Variants in EXTL3 observed in about 807,000 individuals in gnomAD.
EXTL3 encodes the protein exostosin-like 3.
In EXTL3, 27 loss-of-function variants were observed where a neutral mutation model predicts 69.3. The ratio of observed to expected loss-of-function variants is 0.39; its 90% confidence interval spans 0.29 to 0.54. EXTL3 has a LOEUF of 0.54. Among genes scored for constraint, EXTL3 ranks in the 20% least tolerant of loss-of-function variants. The pLI is 0.69. For synonymous variants in EXTL3, 511 were observed against 499.4 expected (o/e 1.02, Z -0.31); for missense variants, 1,003 against 1,231.8 (o/e 0.81, Z 2.78).
At chr8:28,713,334 A>C in intron 1 of EXTL3, 123 bp from the exon 2 acceptor site, 2 of 585,352 alleles carry the variant, frequency 3.4e-6, no homozygotes, top group South Asian at 4.4e-5. Context: ...CCTCATGTAC[A>C]TAAGAGAAAT....
intron 1 of EXTL3, among the ~76,000 whole-genome samples, chr8:28,712,562 A>G (rs2130726974): frequency 6.6e-6 from 1 of 152,328 alleles, no homozygotes; most frequent in African/African-American, 2.4e-5. Flanking sequence ...AGTGACATTT[A>G]TTTCTAGAGG....
At position 28,751,935 on chromosome 8, in the gene EXTL3, AC is replaced by A. The variant is rs1245282833; in HGVS notation, c.*1072del. On this transcript the variant is annotated 3_prime_UTR_variant, in exon 7 of 7. Coordinates refer to ENST00000220562, the MANE Select transcript of EXTL3 (RefSeq NM_001440.4). The stretch of plus-strand genomic sequence containing the variant: ...CAAGCCAGTGTCCTTCGAGGAACCC[AC>A]CCGGCTGGCCGGGAAGTTTTACAGC... 6.6e-6 allele frequency: 1 copy of A among 152,316 alleles called. No homozygotes were observed. Among genetic ancestry groups the A allele is most frequent in the Non-Finnish European group, 1.5e-5 (1 of 68,170 alleles). The allele number at this position is 152,316 out of a possible 1,614,324, so 9.4% of individuals were successfully genotyped here.
chr8:28,748,624 CAT>C (rs1446620251), intron 6 of EXTL3, among the ~76,000 whole-genome samples: 2 of 152,158 alleles, frequency 1.3e-5, no homozygotes, highest in Non-Finnish European at 2.9e-5. Context: ...TTTTATCACT[CAT>C]GTGAAGGAGT....
chr8:28,746,790 C>T (rs1358637959), intron 6 of EXTL3, among the ~76,000 whole-genome samples: 4 of 152,126 alleles, frequency 2.6e-5, no homozygotes, highest in African/African-American at 4.8e-5. Flanking sequence ...ATTTTCCTGC[C>T]TCAGTCTTCT....
At chr8:28,728,638 T>A (rs1307218308) in intron 3 of EXTL3, among the ~76,000 whole-genome samples, 1 of 152,138 alleles carries the variant, frequency 6.6e-6, no homozygotes, top group African/African-American at 2.4e-5. Flanking sequence ...TCCTGTCACT[T>A]TTTTTGGAAG....
chr8:28,660,434 C>T (rs1281335467), intron 1 of EXTL3, among the ~76,000 whole-genome samples: 4 of 151,812 alleles, frequency 2.6e-5, no homozygotes, highest in Admixed American at 2.6e-4. Context: ...CTCATACAAA[C>T]ATACACATAC....
At position 28,717,213 on chromosome 8, in the gene EXTL3, C is replaced by T. The variant is rs201602008; in HGVS notation, c.1154C>T (p.Ala385Val). The change falls in exon 3 of 7, where the codon GCG (alanine) becomes GTG (valine). Residue 385 changes from alanine (A) to valine (V), a missense_variant. Around this residue, in one of 2 missense-constraint regions of EXTL3, gnomAD observed 742 missense variants for 815.4 expected, o/e 0.91. Coordinates refer to ENST00000220562, the MANE Select transcript of EXTL3 (RefSeq NM_001440.4). This position sits in a 1 kb window ranked among gnomAD's most constrained non-coding sequence, Gnocchi z 8.3. ...YDDRIIATLKAVQDSKLDQVL... is the reference protein window; with the variant it reads ...YDDRIIATLKVVQDSKLDQVL... ...GACCGGATCATTGCCACCCTGAAGGCGGTGCAGGACAGCAAGCTGGATCAG... is the reference window on the plus strand; with the variant it reads ...GACCGGATCATTGCCACCCTGAAGGTGGTGCAGGACAGCAAGCTGGATCAG... 8.1e-5 allele frequency: 130 copies of T among 1,614,088 alleles called. No individual in the cohort carries two copies. Among genetic ancestry groups the T allele is most frequent in the Non-Finnish European group, 1.0e-4 (122 of 1,180,046 alleles).
At chr8:28,735,717 A>G (rs1585290723) in intron 4 of EXTL3, among the ~76,000 whole-genome samples, 1 of 152,226 alleles carries the variant, frequency 6.6e-6, no homozygotes, top group Admixed American at 6.5e-5. Flanking sequence ...GGTAAGTCTA[A>G]GAATTCTTTC....
At chr8:28,694,890 G>A (rs779626817) in intron 1 of EXTL3, among the ~76,000 whole-genome samples, 1 of 152,028 alleles carries the variant, frequency 6.6e-6, no homozygotes, top group South Asian at 2.1e-4. Context: ...GCACATGCCT[G>A]TAATCCAGCT....
At chr8:28,719,928 C>T (rs1585277339) in intron 3 of EXTL3, among the ~76,000 whole-genome samples, 1 of 152,164 alleles carries the variant, frequency 6.6e-6, no homozygotes, top group East Asian at 1.9e-4. Context: ...AATAAGTAGT[C>T]CTGACTATTG....
intron 1 of EXTL3, chr8:28,710,580 T>C (rs1489019909): frequency 7.5e-6 from 3 of 401,864 alleles, no homozygotes; most frequent in Non-Finnish European, 1.4e-5. Flanking sequence ...TCTATATTCA[T>C]GAGAGATTTT....
chr8:28,638,808 T>C (rs1236173157), intron 1 of EXTL3, among the ~76,000 whole-genome samples: 1 of 152,138 alleles, frequency 6.6e-6, no homozygotes, highest in Non-Finnish European at 1.5e-5. Context: ...ATTTTGTATT[T>C]TTAGTACAGA....
Position 28,717,021 on chromosome 8 carries a change from A to G in EXTL3, c.962A>G (p.His321Arg), listed in dbSNP as rs1170949958. Residue 321 changes from histidine (H) to arginine (R), a missense_variant, in exon 3 of 7, where the codon CAT (histidine) becomes CGT (arginine). By Grantham distance (29) the His-to-Arg change is conservative. Coordinates refer to ENST00000220562, the MANE Select transcript of EXTL3 (RefSeq NM_001440.4). The surrounding 1 kb of genome is among the most constrained non-coding windows in gnomAD (Gnocchi z 8.3). Reference sequence around the variant, plus strand: ...GACTTGGTCGTATCACCGCTGGTCCATGCCATGTCTGAGCCCAACTTCATG... The same window carrying G: ...GACTTGGTCGTATCACCGCTGGTCCGTGCCATGTCTGAGCCCAACTTCATG... ...GFDLVVSPLVHAMSEPNFMEI... is the reference protein window; with the variant it reads ...GFDLVVSPLVRAMSEPNFMEI... 1 of 1,614,098 alleles carries G rather than the reference A, an allele frequency of 6.2e-7. No homozygotes were observed. Among genetic ancestry groups the G allele is most frequent in the African/African-American group, 1.3e-5 (1 of 74,926 alleles).
intron 1 of EXTL3, among the ~76,000 whole-genome samples, chr8:28,689,272 C>T (rs1397345340): frequency 6.6e-6 from 1 of 152,182 alleles, no homozygotes; most frequent in East Asian, 1.9e-4. Flanking sequence ...ACACAAATAA[C>T]TTAAAATTCC....
At chr8:28,617,462 A>G (rs1393591146) in intron 2 of EXTL3, among the ~76,000 whole-genome samples, 1 of 152,218 alleles carries the variant, frequency 6.6e-6, no homozygotes, top group Non-Finnish European at 1.5e-5. Context: ...AGTACCATAT[A>G]TATGTACTAT....
chr8:28,723,569 G>C (rs929148922), intron 3 of EXTL3, among the ~76,000 whole-genome samples: 5 of 151,298 alleles, frequency 3.3e-5, no homozygotes, highest in African/African-American at 1.2e-4. Flanking sequence ...AGGAATCTGA[G>C]ACTGTAAGAA....
At chr8:28,615,584 T>A (rs778429158) in intron 2 of EXTL3, among the ~76,000 whole-genome samples, 2 of 152,194 alleles carry the variant, frequency 1.3e-5, no homozygotes, top group Non-Finnish European at 2.9e-5. Flanking sequence ...TTTTCTTTTT[T>A]TGAGATGGAG....
intron 1 of EXTL3, among the ~76,000 whole-genome samples, chr8:28,671,670 G>A (rs1807296931): frequency 1.3e-5 from 2 of 152,132 alleles, no homozygotes; most frequent in African/African-American, 2.4e-5. Flanking sequence ...ACCTGTAAAT[G>A]TTGGCTGCCC....
intron 1 of EXTL3, among the ~76,000 whole-genome samples, chr8:28,639,595 T>C (rs923705927): frequency 6.6e-6 from 1 of 151,714 alleles, no homozygotes; most frequent in Admixed American, 6.6e-5. Flanking sequence ...CTTCCCCTCT[T>C]GGTCCCTGCG....
Sources: gnomAD v4.1 joint callset for allele counts (sites outside exome capture counted in the v4.1 genomes callset) on GRCh38, gnomAD v4.1.1 for gene constraint, gnomAD v4.1.1 regional missense constraint, Gnocchi (gnomAD v3.1) non-coding constraint, MANE v1.5 for transcripts, NCBI Gene and HGNC (gene_info 2026-07-23, HGNC 2026-07-21) for gene names.